Variants in APTX observed in about 807,000 individuals in gnomAD.
APTX encodes forkhead-associated domain histidine triad-like protein.
Under a neutral mutation model 42.3 loss-of-function variants are expected in APTX, and 33 were observed. The observed-to-expected ratio is 0.78, with a 90% confidence interval of 0.59 to 1.04. The LOEUF (loss-of-function observed/expected upper bound fraction) is 1.04, where lower values mean the gene tolerates loss of function less well. APTX is among the 50% of genes least tolerant of loss of function. The pLI, the probability that APTX is intolerant of heterozygous loss-of-function variation, is 0.00. For missense variants in APTX, 421 were observed against 415.1 expected (o/e 1.01, Z -0.12); for synonymous variants, 130 against 146.7 (o/e 0.89, Z 0.82).
chr9:33,019,952 T>G (rs1838237295), intron 1 of APTX: 1 of 450,574 alleles, frequency 2.2e-6, no homozygotes, highest in East Asian at 3.5e-5. Context: ...GGTGAATATG[T>G]GCGGCCGCAT....
intron 1 of APTX, among the ~76,000 whole-genome samples, chr9:32,996,953 T>C (rs1241482186): frequency 6.6e-6 from 1 of 152,180 alleles, no homozygotes; most frequent in Non-Finnish European, 1.5e-5. Flanking sequence ...ACTTACATGG[T>C]CTCATTTTAA....
rs901945278 is a variant in APTX at position 32,972,926 on chromosome 9, T to C, written c.*572A>G. The C allele has an allele frequency of 6.6e-6, 3 of 453,930 alleles. No individual in the cohort carries two copies. The highest frequency in any genetic ancestry group is 6.9e-5 in the East Asian group (1 of 14,412). The allele number at this position is 453,930 out of a possible 1,614,324, so 28.1% of individuals were successfully genotyped here. Reference sequence around the variant, plus strand: ...AGCCTCTTTTCTCACTGTGAAGAACTGATGAGACAGAATTCCTGAGAAGGG... The same window carrying C: ...AGCCTCTTTTCTCACTGTGAAGAACCGATGAGACAGAATTCCTGAGAAGGG... On this transcript the variant is annotated 3_prime_UTR_variant, in exon 8 of 8. Transcript: ENST00000379817.
At chr9:33,006,418 T>A (rs1837146226), upstream of APTX, among the ~76,000 whole-genome samples, 1 of 152,158 alleles carries the variant, frequency 6.6e-6, no homozygotes, top group African/African-American at 2.4e-5. Context: ...CACTCACTTA[T>A]ATAACCTGTC....
chr9:33,017,093 C>A (rs944374193), intron 1 of APTX, among the ~76,000 whole-genome samples: 7 of 152,158 alleles, frequency 4.6e-5, no homozygotes, highest in African/African-American at 1.7e-4. Context: ...CCAAACAATT[C>A]TCTAATTCTC....
intron 6 of APTX, chr9:32,979,777 T>G (rs1397435186): frequency 6.0e-6 from 1 of 165,392 alleles, no homozygotes; most frequent in African/African-American, 2.4e-5. Context: ...AGGAGGAATA[T>G]TCTCACATGG....
intron 6 of APTX, 109 bp from the exon 7 acceptor site, chr9:32,974,670 T>C: frequency 1.4e-6 from 1 of 693,846 alleles, no homozygotes; most frequent in Admixed American, 2.1e-5. Flanking sequence ...GAATACTCTT[T>C]GAATATTCAT....
chr9:33,015,639 G>T (rs973751925), intron 1 of APTX, among the ~76,000 whole-genome samples: 32 of 152,204 alleles, frequency 2.1e-4, no homozygotes, highest in Non-Finnish European at 3.8e-4. Flanking sequence ...TTACAGGTGT[G>T]AGCCACCACG....
At chr9:32,976,525 C>T (rs1363630452) in intron 6 of APTX, among the ~76,000 whole-genome samples, 1 of 152,220 alleles carries the variant, frequency 6.6e-6, no homozygotes, top group Non-Finnish European at 1.5e-5. Flanking sequence ...GAAAAGACCA[C>T]AGCTTTAATG....
intron 1 of APTX, among the ~76,000 whole-genome samples, chr9:32,991,378 G>C (rs116533016): frequency 9.8e-5 from 15 of 152,326 alleles, no homozygotes; most frequent in African/African-American, 3.6e-4. Context: ...TCAGAAGAGA[G>C]ATGAGACCTC....
intron 1 of APTX, among the ~76,000 whole-genome samples, chr9:33,012,845 G>C (rs1029672021): frequency 6.6e-6 from 1 of 152,180 alleles, no homozygotes; most frequent in Non-Finnish European, 1.5e-5. Context: ...GAAAAAGGGT[G>C]GGGGCACTAT....
chr9:33,014,789 G>T (rs1837780982), intron 1 of APTX, among the ~76,000 whole-genome samples: 2 of 152,156 alleles, frequency 1.3e-5, no homozygotes, highest in Admixed American at 1.3e-4. Context: ...TTGTTGTGCT[G>T]CCATCAGAGG....
At chr9:33,021,424 T>C (rs1437178930) in intron 1 of APTX, among the ~76,000 whole-genome samples, 1 of 151,940 alleles carries the variant, frequency 6.6e-6, no homozygotes, top group Admixed American at 6.6e-5. Context: ...ATTCCTAAGT[T>C]CCTCTGGAAG....
At chr9:33,022,046 G>A (rs1037062371) in intron 1 of APTX, among the ~76,000 whole-genome samples, 5 of 151,638 alleles carry the variant, frequency 3.3e-5, no homozygotes, top group Non-Finnish European at 7.4e-5. Context: ...TATAATGCTG[G>A]ACTGATGAAG....
At chr9:32,986,476 C>G (rs1047102452) in intron 4 of APTX, among the ~76,000 whole-genome samples, 2 of 151,968 alleles carry the variant, frequency 1.3e-5, no homozygotes, top group African/African-American at 4.8e-5. Context: ...GGATTACAGG[C>G]GTGAGCCACC....
Position 32,986,120 on chromosome 9 carries a change from T to C in APTX, c.484-90A>G, listed in dbSNP as rs10971268. 13,478 of 1,152,782 alleles carry C rather than the reference T, an allele frequency of 0.012. 115 individuals are homozygous for C. The highest frequency in any genetic ancestry group is 0.015 in the Non-Finnish European group (11,555 of 772,042). 71.4% of individuals were successfully genotyped at this position (1,152,782 alleles called of 1,614,324 possible). ...AATAATTAAATTTGGCAACAGTTAA[T>C]ACTGTGTGATAGCACAACTAAACTT... On this transcript the variant is annotated intron_variant, in intron 4 of 7. Coordinates refer to ENST00000379817, the MANE Select transcript of APTX (RefSeq NM_001195248.2).
Position 32,973,391 on chromosome 9 carries a change from C to A in APTX, c.*107G>T. 4.6e-6 allele frequency: 6 copies of A among 1,302,714 alleles called. No homozygotes were observed. The highest frequency in any genetic ancestry group is 4.4e-6 in the Non-Finnish European group (4 of 902,656). 80.7% of individuals were successfully genotyped at this position (1,302,714 alleles called of 1,614,324 possible). A position where few individuals can be genotyped will look rare whatever the true frequency, so the allele number is the denominator to read the frequency against. Reference sequence around the variant, plus strand: ...ATAGAATAAATTTGTGAAAAAGCTGCATGTTTTAATTTAGGAAATGAGTAG... The same window carrying A: ...ATAGAATAAATTTGTGAAAAAGCTGAATGTTTTAATTTAGGAAATGAGTAG... On this transcript the variant is annotated 3_prime_UTR_variant, in exon 8 of 8. Coordinates refer to ENST00000379817, the MANE Select transcript of APTX (RefSeq NM_001195248.2).
intron 1 of APTX, chr9:32,990,102 G>A (rs1275415143): frequency 1.6e-6 from 1 of 622,622 alleles, no homozygotes; most frequent in Non-Finnish European, 2.9e-6. Flanking sequence ...ATGAGATAAT[G>A]TGAGTAAGTA....
chr9:32,975,462 G>A (rs1444772147), intron 6 of APTX, among the ~76,000 whole-genome samples: 2 of 152,204 alleles, frequency 1.3e-5, no homozygotes, highest in African/African-American at 4.8e-5. Flanking sequence ...AGCACTTTGG[G>A]AGGCCGAGGC....
At chr9:33,001,371 CG>C (rs1364317134) in intron 1 of APTX, 195 bp downstream of exon 1, 1 of 1,530,438 alleles carries the variant, frequency 6.5e-7, no homozygotes, top group Non-Finnish European at 8.7e-7. Flanking sequence ...CAAAGTGGGT[CG>C]AAGACCAACG....
Sources: allele counts gnomAD v4.1 joint callset (sites outside exome capture counted in the v4.1 genomes callset), GRCh38; gene constraint gnomAD v4.1.1; transcripts MANE v1.5; gene names NCBI Gene and HGNC (gene_info 2026-07-23, HGNC 2026-07-21).